The following CNDP2 variants were observed in gnomAD, a reference collection of about 807,000 sequenced individuals.
The protein encoded by CNDP2 is cytosolic non-specific dipeptidase.
Under a neutral mutation model 55.0 loss-of-function variants are expected in CNDP2, and 38 were observed. That is an observed-to-expected ratio of 0.69 (90% CI 0.53 to 0.90). The LOEUF is 0.90. Among genes scored for constraint, CNDP2 ranks in the 40% least tolerant of loss-of-function variants. The pLI, the probability that CNDP2 is intolerant of heterozygous loss-of-function variation, is 0.00. For synonymous variants in CNDP2, 241 were observed against 260.2 expected, an observed-to-expected ratio of 0.93 and a Z score of 0.71; for missense variants, 607 against 621.7, an observed-to-expected ratio of 0.98 and a Z score of 0.25.
chr18:74,508,775 T>G (rs1979175144), intron 4 of CNDP2, 65 bp from the exon 5 acceptor site: 53 of 1,354,034 alleles, frequency 3.9e-5, no homozygotes, highest in Non-Finnish European at 5.1e-5. Flanking sequence ...GATGTGCACC[T>G]GAGACACGCT....
intron 5 of CNDP2, among the ~76,000 whole-genome samples, chr18:74,510,489 C>T (rs757771887): frequency 4.6e-5 from 7 of 152,168 alleles, no homozygotes; most frequent in Admixed American, 4.6e-4. Context: ...TCGGTGGCTC[C>T]GCTGGTATAA....
rs373836366 is a variant in CNDP2 at position 74,513,651 on chromosome 18, G to A, written c.835G>A (p.Asp279Asn). 18 of 1,613,978 alleles carry A rather than the reference G, an allele frequency of 1.1e-5. No homozygotes were observed. The African/African-American group carries it at 1.2e-4, about 11-fold the overall frequency. Residue 279 changes from aspartate (D) to asparagine (N), a missense_variant, in exon 8 of 12, where the codon GAC becomes AAC. Coordinates refer to ENST00000324262, the MANE Select transcript of CNDP2 (RefSeq NM_018235.3). ...VTEEEHKLYD[D>N]IDFDIEEFAK... ...GGAAGAGGAGCACAAGCTGTACGAC[G>A]ACATCGACTTTGACATAGAGGAGTT...
intron 1 of CNDP2, 46 bp downstream of exon 1, chr18:74,496,477 C>G (rs1978420565): frequency 6.6e-6 from 1 of 152,356 alleles, no homozygotes; most frequent in Admixed American, 6.5e-5. Flanking sequence ...GCGCCCTGAG[C>G]TGGGAACGGG....
At chr18:74,513,750 C>T in intron 8 of CNDP2, 31 bp downstream of exon 8, 1 of 1,604,078 alleles carries the variant, frequency 6.2e-7, no homozygotes, top group East Asian at 2.2e-5. Flanking sequence ...CTGCCACCTG[C>T]CCAGGCCACG....
intron 8 of CNDP2, among the ~76,000 whole-genome samples, chr18:74,514,273 C>T: frequency 6.6e-6 from 1 of 151,782 alleles, no homozygotes; most frequent in African/African-American, 2.4e-5. Flanking sequence ...GTAAGTTCTG[C>T]AGGCTATAGG....
In CNDP2 at chr18:74,518,984, G is replaced by A. The variant is rs774376343; in HGVS notation, c.1246G>A (p.Gly416Ser). The part of the protein sequence containing the change: ...GVEPDLTREG[G>S]SIPVTLTFQE... ...TGAGCCAGACTTGACCAGGGAAGGC[G>A]GCAGTATTCCCGTGACCTTGACCTT... Residue 416 changes from glycine (G) to serine (S), a missense_variant, in exon 11 of 12, where the codon GGC becomes AGC. Transcript: ENST00000324262. The A allele has an allele frequency of 1.3e-5, 21 of 1,613,996 alleles. No individual in the cohort carries two copies. The East Asian group carries it at 1.3e-4, about 10-fold the overall frequency.
chr18:74,510,511 G>A (rs950049619), intron 5 of CNDP2, among the ~76,000 whole-genome samples: 8 of 152,194 alleles, frequency 5.3e-5, no homozygotes, highest in Non-Finnish European at 1.0e-4. Flanking sequence ...CAGGACTCAC[G>A]TGGTGTTCCT....
chr18:74,518,675 G>T (rs1271085496), intron 10 of CNDP2, 35 bp downstream of exon 10: 3 of 1,613,064 alleles, frequency 1.9e-6, no homozygotes, highest in South Asian at 1.1e-5. Flanking sequence ...TGCCGCGCAG[G>T]GCCCTTCGCA....
chr18:74,518,418 T>C, intron 9 of CNDP2, 81 bp from the exon 10 acceptor site: 1 of 1,548,700 alleles, frequency 6.5e-7, no homozygotes, highest in Non-Finnish European at 8.9e-7. Flanking sequence ...AGACCCATGA[T>C]AGCAGACCCG....
rs777928258 is a variant in CNDP2 at position 74,520,093 on chromosome 18, C to A, written c.*25C>A. On this transcript the variant is annotated 3_prime_UTR_variant, in exon 12 of 12. Coordinates refer to ENST00000324262, the MANE Select transcript of CNDP2 (RefSeq NM_018235.3). ...GGCCAAGCCCTCTGTGTGCCATCTC[C>A]AATGAGAAGGAATCCTGCCCTCACC... is the stretch of plus-strand genomic sequence containing the variant. The A allele has an allele frequency of 1.9e-6, 3 of 1,611,764 alleles. No homozygotes were observed. The highest frequency in any genetic ancestry group is 2.5e-6 in the Non-Finnish European group (3 of 1,178,030).
rs72527615 is a variant in CNDP2, at chr18:74,503,073, G to GTTTTTTT, written c.204+1608_204+1614dup. Among the ~76,000 whole-genome samples, 2 of 142,190 alleles carry GTTTTTTT rather than the reference G, an allele frequency of 1.4e-5. 1 individual carries two copies. Among genetic ancestry groups the GTTTTTTT allele is most frequent in the Admixed American group, 1.4e-4 (2 of 14,554 alleles). The allele number at this position is 142,190 out of a possible 152,430, so 93.3% of individuals were successfully genotyped here. A position where few individuals can be genotyped will look rare whatever the true frequency, so the allele number is the denominator to read the frequency against. ...GGTCAGACTCACCTTGCTCCCTTTC[G>GTTTTTTT]TTTTTTTTTTTTTCCTAATATATTG... is the stretch of plus-strand genomic sequence containing the variant. On this transcript the variant is annotated intron_variant, in intron 3 of 11. Transcript: ENST00000324262.
chr18:74,519,020 A>C lies in CNDP2; in HGVS notation c.1282A>C (p.Thr428Pro), dbSNP rs1222942417. The change falls in exon 11 of 12, where the codon ACG becomes CCG. Residue 428 changes from threonine to proline, a missense_variant. Transcript: ENST00000324262. Reference protein sequence around the residue: ...IPVTLTFQEATGKNVMLLPVG... With the variant: ...IPVTLTFQEAPGKNVMLLPVG... Reference sequence around the variant, plus strand: ...CGTGACCTTGACCTTTCAGGAGGCCACGGGCAAGAACGTCATGCTGCTGCC... The same window carrying C: ...CGTGACCTTGACCTTTCAGGAGGCCCCGGGCAAGAACGTCATGCTGCTGCC... The C allele has an allele frequency of 2.5e-6, 4 of 1,613,910 alleles. No individual in the cohort carries two copies. The highest frequency in any genetic ancestry group is 3.4e-6 in the Non-Finnish European group (4 of 1,179,940).
At chr18:74,497,891 C>G (rs904813230) in intron 1 of CNDP2, 11 of 151,872 alleles carry the variant, frequency 7.2e-5, no homozygotes, top group African/African-American at 2.7e-4. Flanking sequence ...ACTGCTTTTA[C>G]CTTAATTAGT....
intron 10 of CNDP2, 97 bp from the exon 11 acceptor site, chr18:74,518,852 C>T (rs954829774): frequency 1.3e-5 from 20 of 1,547,720 alleles, no homozygotes; most frequent in Admixed American, 1.7e-5. Context: ...GGGCCTTGCA[C>T]AGCATCTGAC....
chr18:74,518,270 T>C lies in CNDP2; in HGVS notation c.1069-229T>C, dbSNP rs556299471. 9 of 396,252 alleles carry C rather than the reference T, an allele frequency of 2.3e-5. No homozygotes were observed. The East Asian group carries it at 3.4e-4, about 15-fold the overall frequency. 24.5% of individuals were successfully genotyped at this position (396,252 alleles called of 1,614,324 possible). On this transcript the variant is annotated intron_variant, in intron 9 of 11. Coordinates refer to ENST00000324262, the MANE Select transcript of CNDP2 (RefSeq NM_018235.3). Reference sequence around the variant, plus strand: ...GAGCGAGACTCCATCTCAGAAAAAATAAAAAATAAAAAAAGAAGTCTCCTC... The same window carrying C: ...GAGCGAGACTCCATCTCAGAAAAAACAAAAAATAAAAAAAGAAGTCTCCTC...
At chr18:74,502,894 C>T (rs1978789734) in intron 3 of CNDP2, among the ~76,000 whole-genome samples, 1 of 152,114 alleles carries the variant, frequency 6.6e-6, no homozygotes, top group Non-Finnish European at 1.5e-5. Flanking sequence ...GGTTCATGCC[C>T]AGGCCTCCTG....
chr18:74,501,846 C>G (rs1179199351), intron 3 of CNDP2, among the ~76,000 whole-genome samples: 2 of 151,542 alleles, frequency 1.3e-5, no homozygotes, highest in East Asian at 3.9e-4. Context: ...CCCCCCAACC[C>G]CCGGCTCCCC....
At chr18:74,511,407 G>A (rs367988115) in intron 6 of CNDP2, among the ~76,000 whole-genome samples, 3 of 152,170 alleles carry the variant, frequency 2.0e-5, no homozygotes, top group East Asian at 3.9e-4. Context: ...AGTGACGCAC[G>A]GGAAAAAGAG....
chr18:74,504,988 A>G (rs975707090), intron 3 of CNDP2: 4 of 152,216 alleles, frequency 2.6e-5, no homozygotes, highest in African/African-American at 9.6e-5. Flanking sequence ...TGCCTGTCCC[A>G]TTCTCCATTC....
Sources: allele counts gnomAD v4.1 joint callset (sites outside exome capture counted in the v4.1 genomes callset), GRCh38; gene constraint gnomAD v4.1.1; transcripts MANE v1.5; gene names NCBI Gene and HGNC (gene_info 2026-07-23, HGNC 2026-07-21).